FAM177A1: variants seen among roughly 807,000 people sequenced by gnomAD.
FAM177A1 encodes the protein protein FAM177A1.
FAM177A1 carries 22 observed loss-of-function variants against 26.1 expected under a neutral mutation model. The ratio of observed to expected loss-of-function variants is 0.84; its 90% CI spans 0.60 to 1.20. FAM177A1 has a LOEUF of 1.20. FAM177A1 is among the 50% of genes most tolerant of loss of function. The probability of loss-of-function intolerance (pLI) is 0.00; values close to 1 mark genes in which losing one functional copy is unlikely to be tolerated. For synonymous variants in FAM177A1, 95 were observed against 99.3 expected (o/e 0.96, Z 0.26); for missense variants, 296 against 291.1 (o/e 1.02, Z -0.12).
At chr14:35,065,194 C>T (rs527505366) in intron 2 of FAM177A1, among the ~76,000 whole-genome samples, 176 of 149,096 alleles carry the variant, frequency 1.2e-3, no homozygotes, top group African/African-American at 4.1e-3. Context: ...TTTTTTGAGA[C>T]GGAGTCTCTC....
In FAM177A1 at chr14:35,081,269, T is replaced by C; in HGVS notation, c.*41T>C. 1 of 1,555,654 alleles carries C rather than the reference T, an allele frequency of 6.4e-7. No homozygotes were observed. Among genetic ancestry groups the C allele is most frequent in the South Asian group, 1.2e-5 (1 of 80,760 alleles). ...AAGCTTCAAACTCTTAAGTTTTTTT[T>C]TTTTAATACAAAAACTTTCACATTC... On this transcript the variant is annotated 3_prime_UTR_variant, in exon 5 of 5. Coordinates refer to ENST00000280987, the MANE Select transcript of FAM177A1 (RefSeq NM_173607.5).
At chr14:35,079,591 A>G (rs529221689) in intron 4 of FAM177A1, among the ~76,000 whole-genome samples, 123 of 152,298 alleles carry the variant, frequency 8.1e-4, no homozygotes, top group Non-Finnish European at 1.3e-3. Flanking sequence ...TACCACTTAA[A>G]ACTTTGTAAC....
Position 35,053,355 on chromosome 14 carries a change from C to G in FAM177A1, c.243C>G (p.Ile81Met). ...GKKKKVPRRV[I>M]HFVSGETMEE... Reference sequence around the variant, plus strand: ...AGAAGAAAGTCCCAAGGAGAGTCATCCACTTTGTTAGTGGTGAAACAATGG... The same window carrying G: ...AGAAGAAAGTCCCAAGGAGAGTCATGCACTTTGTTAGTGGTGAAACAATGG... Residue 81 changes from isoleucine to methionine, a missense_variant, in exon 2 of 5, where the codon ATC becomes ATG. Transcript: ENST00000280987. The G allele has an allele frequency of 6.2e-7, 1 of 1,614,036 alleles. No individual in the cohort carries two copies. Among genetic ancestry groups the G allele is most frequent in the Non-Finnish European group, 8.5e-7 (1 of 1,179,996 alleles).
intron 1 of FAM177A1, among the ~76,000 whole-genome samples, chr14:35,052,428 C>G (rs1482164109): frequency 6.6e-6 from 1 of 151,770 alleles, no homozygotes; most frequent in Non-Finnish European, 1.5e-5. Context: ...TCACCGTGGT[C>G]TCGATCTCCT....
At chr14:35,047,381 G>T (rs2044884694) in intron 1 of FAM177A1, among the ~76,000 whole-genome samples, 1 of 152,192 alleles carries the variant, frequency 6.6e-6, no homozygotes, top group Non-Finnish European at 1.5e-5. Context: ...GCATATCGCA[G>T]TTCTGGCTGA....
chr14:35,077,055 C>G, intron 2 of FAM177A1, 95 bp from the exon 3 acceptor site: 1 of 927,406 alleles, frequency 1.1e-6, no homozygotes, highest in Non-Finnish European at 1.8e-6. Flanking sequence ...ATAGAATATT[C>G]TCGGTGCCTA....
intron 1 of FAM177A1, 91 bp from the exon 2 acceptor site, chr14:35,053,187 A>C: frequency 8.7e-7 from 1 of 1,150,240 alleles, no homozygotes; most frequent in Non-Finnish European, 1.2e-6. Context: ...TTATTTCTTT[A>C]CTACAATAAA....
At chr14:35,058,941 GT>G (rs1412952577) in intron 2 of FAM177A1, among the ~76,000 whole-genome samples, 2 of 151,850 alleles carry the variant, frequency 1.3e-5, no homozygotes, top group Non-Finnish European at 2.9e-5. Flanking sequence ...GCTTTTTTTT[GT>G]TTTCTTTTTT....
chr14:35,080,431 GA>G (rs1348896924), intron 4 of FAM177A1, among the ~76,000 whole-genome samples: 2 of 152,110 alleles, frequency 1.3e-5, no homozygotes, highest in Non-Finnish European at 2.9e-5. Context: ...GACTTAATCT[GA>G]AAAAAATAAA....
chr14:35,046,421 C>T lies in FAM177A1; in HGVS notation c.-43C>T, dbSNP rs1188032302. ...GCGCTGGGCGGGTGAGTCCCACTTC[C>T]CGACAGCCTGGCTCGGCCAGCGACT... On this transcript the variant is annotated 5_prime_UTR_variant, in exon 1 of 5. Transcript: ENST00000280987. 6.1e-6 allele frequency: 9 copies of T among 1,487,464 alleles called. No homozygotes were observed. The highest frequency in any genetic ancestry group is 2.2e-5 in the Admixed American group (1 of 44,598). The allele number at this position is 1,487,464 out of a possible 1,614,324, so 92.1% of individuals were successfully genotyped here.
At chr14:35,070,545 G>A (rs1473589128) in intron 2 of FAM177A1, among the ~76,000 whole-genome samples, 1 of 151,494 alleles carries the variant, frequency 6.6e-6, no homozygotes, top group African/African-American at 2.4e-5. Context: ...GGTCAGGCTG[G>A]TCTCGAACTC....
chr14:35,047,242 C>G (rs992643195), intron 1 of FAM177A1, among the ~76,000 whole-genome samples: 6 of 152,206 alleles, frequency 3.9e-5, no homozygotes, highest in African/African-American at 1.4e-4. Context: ...AATAGCATAT[C>G]TTATTTAACC....
intron 2 of FAM177A1, among the ~76,000 whole-genome samples, chr14:35,061,415 C>T (rs1220113972): frequency 1.3e-5 from 2 of 149,662 alleles, no homozygotes; most frequent in Non-Finnish European, 3.0e-5. Context: ...AACACCTTCA[C>T]TTTAGGAGCT....
chr14:35,074,867 C>G (rs2045371300), intron 2 of FAM177A1, among the ~76,000 whole-genome samples: 1 of 151,932 alleles, frequency 6.6e-6, no homozygotes, highest in South Asian at 2.1e-4. Flanking sequence ...ATGGCGAAAC[C>G]TTATCTATAC....
At chr14:35,060,028 C>CA (rs982295147) in intron 2 of FAM177A1, among the ~76,000 whole-genome samples, 10 of 151,014 alleles carry the variant, frequency 6.6e-5, no homozygotes, top group African/African-American at 2.4e-4. Flanking sequence ...GGCGGGAGTG[C>CA]AGTGGCGTGA....
chr14:35,047,887 A>G (rs1169805462), intron 1 of FAM177A1, among the ~76,000 whole-genome samples: 5 of 152,212 alleles, frequency 3.3e-5, no homozygotes, highest in African/African-American at 9.6e-5. Flanking sequence ...CCTGAATGTT[A>G]GTAAGACATT....
intron 4 of FAM177A1, among the ~76,000 whole-genome samples, chr14:35,080,244 A>ACATGTAAACTTAACTTCC (rs2045459008): frequency 6.6e-6 from 1 of 152,260 alleles, no homozygotes; most frequent in South Asian, 2.1e-4. Flanking sequence ...TAACTTCCCT[A>ACATGTAAACTTAACTTCC]CTAAGTTGTA....
At chr14:35,065,343 T>G (rs1304158859) in intron 2 of FAM177A1, among the ~76,000 whole-genome samples, 2 of 149,500 alleles carry the variant, frequency 1.3e-5, no homozygotes, top group Non-Finnish European at 3.0e-5. Flanking sequence ...ACTCAGGAGA[T>G]TTTTCCATTG....
intron 2 of FAM177A1, among the ~76,000 whole-genome samples, chr14:35,071,225 T>A (rs1026096046): frequency 6.6e-6 from 1 of 151,604 alleles, no homozygotes; most frequent in Non-Finnish European, 1.5e-5. Flanking sequence ...TCTCGATCTC[T>A]TGACCTCGTG....
Sources: allele counts gnomAD v4.1 joint callset (sites outside exome capture counted in the v4.1 genomes callset), GRCh38; gene constraint gnomAD v4.1.1; transcripts MANE v1.5; gene names NCBI Gene and HGNC (gene_info 2026-07-23, HGNC 2026-07-21).